SATL1: variants seen among roughly 807,000 people sequenced by gnomAD.
The protein encoded by SATL1 is spermidine/spermine N1-acetyl transferase like 1, also known as spermidine/spermine N(1)-acetyltransferase-like protein 1.
In SATL1, 47 loss-of-function variants were observed where a neutral mutation model predicts 51.8. That is an observed-to-expected ratio of 0.91 (90% CI 0.72 to 1.16). SATL1 has a LOEUF of 1.16. Among genes scored for constraint, SATL1 ranks in the 50% most tolerant of loss-of-function variants. SATL1 has a pLI of 0.00. For missense variants in SATL1, 520 were observed against 526.4 expected, an observed-to-expected ratio of 0.99 and a Z score of 0.12; for synonymous variants, 176 against 182.4, an observed-to-expected ratio of 0.97 and a Z score of 0.28.
chrX:85,119,612 G>A (rs1925460701), intron 2 of SATL1, among the ~76,000 whole-genome samples: 2 of 111,192 alleles, frequency 1.8e-5, no homozygotes, highest in Non-Finnish European at 3.8e-5. Context: ...AAACTCTGGA[G>A]GCTTTTTGTA....
chrX:85,133,722 G>A (rs570157705), intron 2 of SATL1, among the ~76,000 whole-genome samples: 30 of 111,757 alleles, frequency 2.7e-4, no homozygotes, highest in African/African-American at 4.2e-4. Flanking sequence ...GAAATCACCC[G>A]TCTTCTGTGT....
chrX:85,148,235 T>C (rs1315259476), intron 2 of SATL1, among the ~76,000 whole-genome samples: 3 of 110,789 alleles, frequency 2.7e-5, no homozygotes, highest in Middle Eastern at 4.2e-3. Context: ...TGATGGAAGA[T>C]GAAATGAATG....
At chrX:85,121,265 A>G (rs1925497516) in intron 2 of SATL1, among the ~76,000 whole-genome samples, 1 of 106,115 alleles carries the variant, frequency 9.4e-6, no homozygotes, top group East Asian at 2.9e-4. Flanking sequence ...GTGGGTACAC[A>G]GTAGATGAAT....
chrX:85,103,657 G>A (rs1288004930), intron 4 of SATL1, among the ~76,000 whole-genome samples: 1 of 111,734 alleles, frequency 8.9e-6, no homozygotes, highest in African/African-American at 3.2e-5. Flanking sequence ...TATTGGAGCT[G>A]TAAAGGTGTA....
At chrX:85,190,124 T>C (rs1443023129) in intron 2 of SATL1, among the ~76,000 whole-genome samples, 2 of 111,962 alleles carry the variant, frequency 1.8e-5, no homozygotes, top group Non-Finnish European at 3.8e-5. Context: ...TTTGTTATAA[T>C]AAGCTAAGGA....
chrX:85,210,677 A>T lies in SATL1; in HGVS notation c.-313+13528T>A, dbSNP rs910489815. On this transcript the variant is annotated intron_variant, in intron 2 of 7. Transcript: ENST00000644105. ...CCTTTAAGAACATGGAATGGTCTGG[A>T]ACCCTTGATTCTGCCCACTATGACA... The T allele has an allele frequency of 4.5e-5, 5 of 111,710 alleles. No homozygotes were observed. The East Asian group carries it at 1.1e-3, about 25-fold the overall frequency. 9.2% of individuals were successfully genotyped at this position (111,710 alleles called of 1,213,427 possible). A position where few individuals can be genotyped will look rare whatever the true frequency, so the allele number is the denominator to read the frequency against.
intron 2 of SATL1, among the ~76,000 whole-genome samples, chrX:85,175,772 A>T (rs183746980): frequency 1.8e-5 from 2 of 111,114 alleles, no homozygotes; most frequent in African/African-American, 6.5e-5. Context: ...TATGGAGAAG[A>T]CCACTTTAGT....
intron 2 of SATL1, among the ~76,000 whole-genome samples, chrX:85,157,356 AAAG>A (rs1197537665): frequency 1.8e-5 from 2 of 111,267 alleles, no homozygotes; most frequent in Non-Finnish European, 3.8e-5. Flanking sequence ...ATTTTTCAAA[AAAG>A]AAGGTTAAAG....
At chrX:85,176,946 T>C (rs1161266976) in intron 2 of SATL1, among the ~76,000 whole-genome samples, 1 of 111,792 alleles carries the variant, frequency 8.9e-6, no homozygotes, top group Admixed American at 9.5e-5. Flanking sequence ...ATGTAATCCC[T>C]AATAAGATGC....
chrX:85,129,214 T>C (rs778480939), intron 2 of SATL1, among the ~76,000 whole-genome samples: 1 of 112,019 alleles, frequency 8.9e-6, no homozygotes, highest in African/African-American at 3.2e-5. Context: ...GGGGATGGCA[T>C]TGAATCTATA....
chrX:85,180,697 A>G (rs1322999741), intron 2 of SATL1, among the ~76,000 whole-genome samples: 1 of 110,909 alleles, frequency 9.0e-6, no homozygotes, highest in Non-Finnish European at 1.9e-5. Context: ...TATTCCAATT[A>G]TATTGGAGTA....
intron 2 of SATL1, among the ~76,000 whole-genome samples, chrX:85,205,116 G>C (rs927687814): frequency 8.9e-6 from 1 of 111,745 alleles, no homozygotes; most frequent in Admixed American, 9.5e-5. Flanking sequence ...CATTATCTTG[G>C]ATATTTCAAG....
intron 1 of SATL1, among the ~76,000 whole-genome samples, chrX:85,228,442 G>A (rs1438118941): frequency 9.0e-6 from 1 of 111,239 alleles, no homozygotes; most frequent in African/African-American, 3.3e-5. Flanking sequence ...TGTCCCTGTA[G>A]CCCCCTCTAG....
chrX:85,171,868 T>C (rs1184928161), intron 2 of SATL1, among the ~76,000 whole-genome samples: 3 of 111,638 alleles, frequency 2.7e-5, no homozygotes, highest in Non-Finnish European at 5.7e-5. Flanking sequence ...AATGTCTAGA[T>C]TGCAGGAATG....
chrX:85,186,752 C>G (rs1437777624), intron 2 of SATL1, among the ~76,000 whole-genome samples: 1 of 111,492 alleles, frequency 9.0e-6, no homozygotes, highest in Admixed American at 9.5e-5. Flanking sequence ...TCCTTCTTAC[C>G]CTCTTTAGTG....
At chrX:85,238,792 C>T (rs1187285641) in intron 1 of SATL1, among the ~76,000 whole-genome samples, 1 of 111,098 alleles carries the variant, frequency 9.0e-6, no homozygotes, top group Non-Finnish European at 1.9e-5. Flanking sequence ...GTGTTTATTA[C>T]ACATTGTATG....
At chrX:85,143,242 G>A (rs965341085) in intron 2 of SATL1, among the ~76,000 whole-genome samples, 4 of 111,837 alleles carry the variant, frequency 3.6e-5, no homozygotes, top group African/African-American at 1.3e-4. Context: ...TAGATATGGG[G>A]ATCTGACAAG....
intron 2 of SATL1, among the ~76,000 whole-genome samples, chrX:85,213,177 T>C (rs1927964575): frequency 9.0e-6 from 1 of 111,693 alleles, no homozygotes; most frequent in Non-Finnish European, 1.9e-5. Flanking sequence ...TAAATGCCAT[T>C]AGACTGGTTA....
intron 2 of SATL1, among the ~76,000 whole-genome samples, chrX:85,128,896 A>T (rs768338696): frequency 2.2e-3 from 251 of 112,202 alleles, no homozygotes; most frequent in Non-Finnish European, 4.0e-3. Flanking sequence ...CCATTTATTA[A>T]AAAGGGAATC....
Sources: gnomAD v4.1 joint callset for allele counts (sites outside exome capture counted in the v4.1 genomes callset) on GRCh38, gnomAD v4.1.1 for gene constraint, MANE v1.5 for transcripts, NCBI Gene and HGNC (gene_info 2026-07-23, HGNC 2026-07-21) for gene names.